Variants in CLIP1 observed in about 807,000 individuals in gnomAD.
The protein encoded by CLIP1 is CAP-Gly domain containing linker protein 1, also known as CAP-Gly domain-containing linker protein 1.
CLIP1 carries 66 observed loss-of-function variants against 161.6 expected under a neutral mutation model. The observed-to-expected ratio is 0.41, with a 90% CI of 0.33 to 0.50. The LOEUF (loss-of-function observed/expected upper bound fraction) is 0.50, where lower values mean the gene tolerates loss of function less well. Ranked by LOEUF, CLIP1 falls within the 20% of genes least tolerant of loss-of-function variation. The probability of loss-of-function intolerance (pLI) is 0.27; values close to 1 mark genes in which losing one functional copy is unlikely to be tolerated. For missense variants in CLIP1, 1,376 were observed against 1,702.0 expected, an observed-to-expected ratio of 0.81 and a Z score of 3.37; for synonymous variants, 598 against 626.2, an observed-to-expected ratio of 0.96 and a Z score of 0.67.
intron 9 of CLIP1, among the ~76,000 whole-genome samples, chr12:122,347,684 G>A (rs532043988): frequency 6.6e-6 from 1 of 152,276 alleles, no homozygotes; most frequent in East Asian, 1.9e-4. Flanking sequence ...GTGGTGGGCA[G>A]GGGGCATGGG....
chr12:122,359,536 CAG>C (rs1413732126), intron 5 of CLIP1, among the ~76,000 whole-genome samples: 4 of 152,200 alleles, frequency 2.6e-5, no homozygotes, highest in African/African-American at 9.7e-5. Flanking sequence ...TGTCTGAACA[CAG>C]GGGTTTGGGG....
chr12:122,276,575 T>A (rs1955438641), intron 24 of CLIP1: 1 of 1,034,374 alleles, frequency 9.7e-7, no homozygotes, highest in East Asian at 6.0e-5. Context: ...CCATGGTAAG[T>A]TTGTACAGTG....
chr12:122,316,622 T>C, intron 19 of CLIP1, 127 bp downstream of exon 19: 1 of 576,392 alleles, frequency 1.7e-6, no homozygotes, highest in South Asian at 2.8e-5. Flanking sequence ...GCTTCTGGGG[T>C]ATGCAATAGA....
intron 1 of CLIP1, among the ~76,000 whole-genome samples, chr12:122,381,706 A>C (rs780945865): frequency 6.6e-6 from 1 of 152,224 alleles, no homozygotes; most frequent in Non-Finnish European, 1.5e-5. Context: ...TGTCTCCCTC[A>C]CAGCCAACGC....
chr12:122,285,228 CT>C (rs56813970), intron 21 of CLIP1, among the ~76,000 whole-genome samples: 8,062 of 136,408 alleles, frequency 0.059, 427 homozygotes, highest in African/African-American at 0.18. Context: ...GATACCAGTC[CT>C]TTTTTTTTTT....
At chr12:122,304,417 G>C (rs550636216) in intron 20 of CLIP1, among the ~76,000 whole-genome samples, 21 of 152,172 alleles carry the variant, frequency 1.4e-4, no homozygotes, top group Non-Finnish European at 2.5e-4. Flanking sequence ...CTGGAGTCCA[G>C]TGGTACGATC....
intron 1 of CLIP1, among the ~76,000 whole-genome samples, chr12:122,419,907 G>C (rs1446014031): frequency 8.2e-6 from 1 of 122,016 alleles, no homozygotes; most frequent in South Asian, 2.9e-4. Context: ...GCAACAGAGC[G>C]AGATGCGAGA....
chr12:122,305,037 T>G (rs1950817329), intron 20 of CLIP1, among the ~76,000 whole-genome samples: 1 of 152,218 alleles, frequency 6.6e-6, no homozygotes, highest in African/African-American at 2.4e-5. Context: ...AAACTGTTCA[T>G]GAAATACAGT....
At chr12:122,289,046 G>T (rs1302532516) in intron 20 of CLIP1, among the ~76,000 whole-genome samples, 1 of 150,530 alleles carries the variant, frequency 6.6e-6, no homozygotes, top group Non-Finnish European at 1.5e-5. Flanking sequence ...TCGATCTCCT[G>T]ACCTTGTGAT....
In CLIP1 at chr12:122,360,844, G is replaced by A. The variant is rs1245260192; in HGVS notation, c.1005+115C>T. 6 of 825,654 alleles carry A rather than the reference G, an allele frequency of 7.3e-6. No homozygotes were observed. The East Asian group carries it at 1.4e-4, about 19-fold the overall frequency. 51.1% of individuals were successfully genotyped at this position (825,654 alleles called of 1,614,324 possible). On this transcript the variant is annotated intron_variant, in intron 5 of 25. Coordinates refer to ENST00000620786, the MANE Select transcript of CLIP1 (RefSeq NM_001247997.2). The stretch of plus-strand genomic sequence containing the variant: ...CAAAGACTTTCACAGCAAAAGCTGT[G>A]AGCAACATTCAGCACAAGGACAAGC...
chr12:122,327,744 G>A (rs10161184), intron 17 of CLIP1, among the ~76,000 whole-genome samples: 72,765 of 151,696 alleles, frequency 0.48, 21,149 homozygotes, highest in Non-Finnish European at 0.63. Flanking sequence ...AGGAAACACC[G>A]TCCGAGAAGG....
At chr12:122,369,112 G>A (rs1332838887) in intron 3 of CLIP1, among the ~76,000 whole-genome samples, 2 of 151,506 alleles carry the variant, frequency 1.3e-5, no homozygotes, top group Non-Finnish European at 2.9e-5. Flanking sequence ...TCTGCCTCCC[G>A]GGTTCCAGAG....
chr12:122,358,047 T>C (rs1232060073), intron 5 of CLIP1, among the ~76,000 whole-genome samples: 4 of 152,234 alleles, frequency 2.6e-5, no homozygotes, highest in Non-Finnish European at 5.9e-5. Context: ...GCCATGTCTG[T>C]GTAGAAAGAG....
At chr12:122,280,245 T>C (rs1955594456) in intron 21 of CLIP1, 1 of 152,124 alleles carries the variant, frequency 6.6e-6, no homozygotes, top group Admixed American at 6.6e-5. Context: ...AGCTAATTTT[T>C]GTATTTTTAG....
At chr12:122,419,673 T>C (rs1956871262) in intron 1 of CLIP1, among the ~76,000 whole-genome samples, 1 of 151,782 alleles carries the variant, frequency 6.6e-6, no homozygotes, top group East Asian at 2.0e-4. Flanking sequence ...CAGTGGCTCA[T>C]GCCTGTAATC....
intron 10 of CLIP1, 136 bp from the exon 11 acceptor site, chr12:122,341,833 G>A (rs1952525444): frequency 1.9e-6 from 1 of 537,452 alleles, no homozygotes; most frequent in Non-Finnish European, 2.8e-6. Flanking sequence ...ACCCAGGCTG[G>A]AGTACAATGG....
At chr12:122,383,812 GA>G (rs1194825382) in intron 1 of CLIP1, among the ~76,000 whole-genome samples, 1 of 151,210 alleles carries the variant, frequency 6.6e-6, no homozygotes, top group Non-Finnish European at 1.5e-5. Flanking sequence ...ATGTCACATT[GA>G]AACTAATCAA....
chr12:122,390,172 G>GAT (rs71082979), intron 1 of CLIP1, among the ~76,000 whole-genome samples: 7,469 of 93,408 alleles, frequency 0.08, 383 homozygotes, highest in Middle Eastern at 0.13. Flanking sequence ...CACAGTCTCA[G>GAT]ATATATATAT....
intron 1 of CLIP1, among the ~76,000 whole-genome samples, chr12:122,392,417 A>C (rs1287624123): frequency 1.3e-5 from 2 of 152,242 alleles, no homozygotes; most frequent in Middle Eastern, 3.2e-3. Context: ...TAAGGTAAGA[A>C]TATTCAAAAT....
Sources: gnomAD v4.1 joint callset for allele counts (sites outside exome capture counted in the v4.1 genomes callset) on GRCh38, gnomAD v4.1.1 for gene constraint, MANE v1.5 for transcripts, NCBI Gene and HGNC (gene_info 2026-07-23, HGNC 2026-07-21) for gene names.